MLXIPL: variants seen among roughly 807,000 people sequenced by gnomAD.
The protein encoded by MLXIPL is MLX interacting protein like.
MLXIPL carries 49 observed loss-of-function variants against 81.5 expected under a neutral mutation model. That is an observed-to-expected ratio of 0.60 (90% CI 0.48 to 0.76). The LOEUF (loss-of-function observed/expected upper bound fraction) is 0.76. Among genes scored for constraint, MLXIPL ranks in the 30% least tolerant of loss-of-function variants. The pLI, the probability that MLXIPL is intolerant of heterozygous loss-of-function variation, is 0.00. For synonymous variants in MLXIPL, 466 were observed against 485.5 expected, an observed-to-expected ratio of 0.96 and a Z score of 0.53; for missense variants, 1,053 against 1,167.0, an observed-to-expected ratio of 0.90 and a Z score of 1.42.
At chr7:73,636,468 T>C in the MLXIPL span, among the ~76,000 whole-genome samples, 1 of 149,824 alleles carries the variant, frequency 6.7e-6, no homozygotes, top group Non-Finnish European at 1.5e-5. Flanking sequence ...GAAGGTATTC[T>C]GGGAGGGAAG....
rs782273030 is a variant in MLXIPL, at chr7:73,597,417, T to C, written c.1368A>G (p.Pro456=). The C allele has an allele frequency of 3.6e-5, 12 of 333,668 alleles. No homozygotes were observed. The East Asian group carries it at 2.7e-3, about 76-fold the overall frequency. 20.7% of individuals were successfully genotyped at this position (333,668 alleles called of 1,614,324 possible). A position where few individuals can be genotyped will look rare whatever the true frequency, so the allele number is the denominator to read the frequency against. The change falls in exon 9 of 17, where the codon CCA becomes CCG. Residue 456 remains proline, a synonymous_variant. Coordinates refer to ENST00000313375, the MANE Select transcript of MLXIPL (RefSeq NM_032951.3). ...GGCTGGGGACAGACTGTGGGGTGGG[T>C]GGGAAGGCTGCAGGAGCAGGCAGCG... The part of the protein sequence containing the change: ...VSPLPAPAAF[P]PTPQSVPSPA...
At chr7:73,640,766 G>T in the MLXIPL span, among the ~76,000 whole-genome samples, 22 of 129,336 alleles carry the variant, frequency 1.7e-4, no homozygotes, top group Admixed American at 3.6e-4. Context: ...GACAGAGCGA[G>T]ACTCCATCTC....
At chr7:73,633,317 T>C in the MLXIPL span, among the ~76,000 whole-genome samples, 2 of 150,258 alleles carry the variant, frequency 1.3e-5, no homozygotes, top group Admixed American at 1.3e-4. Flanking sequence ...CTCCTGACCT[T>C]GTGATCCACC....
chr7:73,625,469 C>G (rs1796685938), upstream of MLXIPL, among the ~76,000 whole-genome samples: 1 of 152,152 alleles, frequency 6.6e-6, no homozygotes, highest in South Asian at 2.1e-4. Context: ...TGGTGGCCAA[C>G]ACGGTGGCCG....
chr7:73,621,711 C>CT (rs1796370126), intron 1 of MLXIPL, among the ~76,000 whole-genome samples: 1 of 129,840 alleles, frequency 7.7e-6, no homozygotes. Flanking sequence ...CCCTCCCTCC[C>CT]TCCATCTCTC....
chr7:73,615,973 C>G, intron 2 of MLXIPL, 98 bp downstream of exon 2: 1 of 965,680 alleles, frequency 1.0e-6, no homozygotes, highest in South Asian at 1.3e-5. Context: ...TTGAGGACCC[C>G]GGGGATTTTC....
At chr7:73,622,911 G>C (rs576892509) in intron 1 of MLXIPL, among the ~76,000 whole-genome samples, 1 of 152,282 alleles carries the variant, frequency 6.6e-6, no homozygotes, top group South Asian at 2.1e-4. Context: ...GTGGGAAATG[G>C]GAGACCCTTA....
At chr7:73,611,228 C>G (rs1471678031) in intron 2 of MLXIPL, 1 of 152,340 alleles carries the variant, frequency 6.6e-6, no homozygotes, top group Admixed American at 6.6e-5. Context: ...CCAAAGCCCA[C>G]AGCGCTGCCC....
Position 73,616,180 on chromosome 7 carries a change from G to A in MLXIPL, c.294-3C>T. 2 of 1,611,548 alleles carry A rather than the reference G, an allele frequency of 1.2e-6. No individual in the cohort carries two copies. Among genetic ancestry groups the A allele is most frequent in the South Asian group, 1.1e-5 (1 of 91,026 alleles). ...ACTTGGGAGACACCAGCTTGCCACT[G>A]TCAAAGGGGAGAGGAGTAGGGTTAG... is the stretch of plus-strand genomic sequence containing the variant. On this transcript the variant is annotated splice_region_variant and splice_polypyrimidine_tract_variant and intron_variant, in intron 1 of 16. Transcript: ENST00000313375.
the MLXIPL span, among the ~76,000 whole-genome samples, chr7:73,635,147 T>C: frequency 2.6e-5 from 4 of 152,172 alleles, no homozygotes; most frequent in Non-Finnish European, 5.9e-5. Context: ...TTAATAATAC[T>C]ATAAATATCA....
At position 73,595,882 on chromosome 7, in the gene MLXIPL, G is replaced by A. The variant is rs1433081172; in HGVS notation, c.2146C>T (p.Gln716Ter). The part of the protein sequence containing the change: ...ERAGLQEEAQ[Q>*]LRDEIEELNA... ...AGCTCCTCAATCTCATCCCGCAGCTGCTGGGCCTCCTCCTGCAAGCCCGCA... is the reference window on the plus strand; with the variant it reads ...AGCTCCTCAATCTCATCCCGCAGCTACTGGGCCTCCTCCTGCAAGCCCGCA... The change falls in exon 14 of 17, where the codon CAG becomes TAG. Residue 716 changes from glutamine to a stop codon, truncating the protein, a stop_gained. Transcript: ENST00000313375. LOFTEE classifies it high-confidence loss of function. 6.2e-7 allele frequency: 1 copy of A among 1,612,188 alleles called. No individual in the cohort carries two copies. The highest frequency in any genetic ancestry group is 8.5e-7 in the Non-Finnish European group (1 of 1,179,500).
chr7:73,597,055 C>A, intron 9 of MLXIPL, 123 bp from the exon 10 acceptor site: 1 of 1,449,300 alleles, frequency 6.9e-7, no homozygotes, highest in Non-Finnish European at 9.4e-7. Flanking sequence ...ATCCCTCATT[C>A]CTTGCCACTC....
At chr7:73,613,148 G>A (rs1007225235) in intron 2 of MLXIPL, among the ~76,000 whole-genome samples, 2 of 152,136 alleles carry the variant, frequency 1.3e-5, no homozygotes, top group Non-Finnish European at 2.9e-5. Flanking sequence ...AGCCAAGTAA[G>A]CCCTTCTCCT....
At chr7:73,612,039 G>A (rs78205282) in intron 2 of MLXIPL, among the ~76,000 whole-genome samples, 19 of 151,882 alleles carry the variant, frequency 1.3e-4, no homozygotes, top group African/African-American at 4.6e-4. Context: ...GATGAAGTTT[G>A]TCCTGGTACG....
Position 73,596,748 on chromosome 7 carries a change from CG to C in MLXIPL, c.1712del (p.Pro571ArgfsTer56). ...GCCGGGGCGGTGTAGGGGCCGGGGT[CG>C]GGGGAAGGAATGTGCAGGGGAATTC... ...VPEFPCTFLPPTPAPTPPRPP... is the reference protein window; with the variant it reads ...VPEFPCTFLPXTPAPTPPRPP... On this transcript the variant is annotated frameshift_variant, in exon 11 of 17. Coordinates refer to ENST00000313375, the MANE Select transcript of MLXIPL (RefSeq NM_032951.3). LOFTEE classifies it high-confidence loss of function. This position sits in a 1 kb window ranked among gnomAD's most constrained non-coding sequence, Gnocchi z 4.7. 6.3e-7 allele frequency: 1 copy of C among 1,596,778 alleles called. No homozygotes were observed. The highest frequency in any genetic ancestry group is 8.5e-7 in the Non-Finnish European group (1 of 1,173,136).
chr7:73,642,234 G>A, the MLXIPL span, among the ~76,000 whole-genome samples: 53 of 152,206 alleles, frequency 3.5e-4, no homozygotes, highest in Non-Finnish European at 5.1e-4. Flanking sequence ...GGTGGTGCAC[G>A]GAGCTTCCAT....
the MLXIPL span, among the ~76,000 whole-genome samples, chr7:73,636,833 G>A: frequency 3.3e-5 from 5 of 152,096 alleles, no homozygotes; most frequent in African/African-American, 9.7e-5. Flanking sequence ...AGACCAAGGC[G>A]GGTGGGTCAA....
intron 5 of MLXIPL, chr7:73,606,752 C>A: frequency 1.8e-6 from 1 of 568,918 alleles, no homozygotes; most frequent in Admixed American, 2.7e-5. Context: ...CCATGCCTCC[C>A]ACCACTTGCT....
Position 73,607,638 on chromosome 7 carries a change from G to T in MLXIPL, c.435C>A (p.Phe145Leu). 6.2e-7 allele frequency: 1 copy of T among 1,613,488 alleles called. No individual in the cohort carries two copies. The highest frequency in any genetic ancestry group is 8.5e-7 in the Non-Finnish European group (1 of 1,179,994). ...VKRRKSPVCGFVTPLQGPEAD... is the reference protein window; with the variant it reads ...VKRRKSPVCGLVTPLQGPEAD... ...CCTCAGGCCCCTGCAGGGGGGTCAC[G>T]AAGCCACACACGGGGCTCTTCCTCC... The change falls in exon 3 of 17, where the codon TTC becomes TTA. Residue 145 changes from phenylalanine (F) to leucine (L), a missense_variant. This residue lies in a region of MLXIPL where 226 missense variants were observed against 216.2 expected (regional missense o/e 1.05). Coordinates refer to ENST00000313375, the MANE Select transcript of MLXIPL (RefSeq NM_032951.3).
Sources: allele counts gnomAD v4.1 joint callset (sites outside exome capture counted in the v4.1 genomes callset), GRCh38; gene constraint gnomAD v4.1.1; regional missense constraint gnomAD v4.1.1; non-coding constraint Gnocchi (gnomAD v3.1); transcripts MANE v1.5; gene names NCBI Gene and HGNC (gene_info 2026-07-23, HGNC 2026-07-21).